Variants in DHRSX observed in about 807,000 individuals in gnomAD.
DHRSX encodes polyprenol dehydrogenase.
A neutral mutation model predicts 34.0 loss-of-function variants in DHRSX; 31 were observed. The ratio of observed to expected loss-of-function variants is 0.91; its 90% CI spans 0.69 to 1.23. The LOEUF (loss-of-function observed/expected upper bound fraction) is 1.23. Among genes scored for constraint, DHRSX ranks in the 50% most tolerant of loss-of-function variants. The pLI, the probability that DHRSX is intolerant of heterozygous loss-of-function variation, is 0.00. For synonymous variants in DHRSX, 201 were observed against 183.8 expected (o/e 1.09, Z -0.76); for missense variants, 414 against 428.1 (o/e 0.97, Z 0.29).
intron 1 of DHRSX, among the ~76,000 whole-genome samples, chrX:2,437,110 G>C (rs2044001235): frequency 6.6e-6 from 1 of 152,016 alleles, no homozygotes; most frequent in Non-Finnish European, 1.5e-5. Context: ...CCATTCTCTT[G>C]CCTCAGCCTC....
chrX:2,308,527 C>T (rs765219823), intron 3 of DHRSX, among the ~76,000 whole-genome samples: 1 of 152,204 alleles, frequency 6.6e-6, no homozygotes, highest in Non-Finnish European at 1.5e-5. Context: ...GTTAATGGAA[C>T]AAGGAGGATC....
chrX:2,243,815 TTTTTTTTG>T (rs2016213864), intron 5 of DHRSX, among the ~76,000 whole-genome samples: 4 of 106,202 alleles, frequency 3.8e-5, no homozygotes, highest in East Asian at 2.5e-4. Context: ...TTTTTTTTTT[TTTTTTTTG>T]AGACAGATTC....
At chrX:2,424,908 G>A (rs188984026) in intron 2 of DHRSX, among the ~76,000 whole-genome samples, 105 of 152,174 alleles carry the variant, frequency 6.9e-4, no homozygotes, top group Admixed American at 1.5e-3. Flanking sequence ...GGGAGGCCAC[G>A]GCAGGCGGAT....
intron 3 of DHRSX, among the ~76,000 whole-genome samples, chrX:2,322,569 AAAG>A (rs2042324924): frequency 1.3e-5 from 2 of 151,692 alleles, no homozygotes; most frequent in African/African-American, 4.8e-5. Context: ...AAAAAAAAAA[AAAG>A]AATGAAAGTT....
intron 6 of DHRSX, among the ~76,000 whole-genome samples, chrX:2,238,290 G>A (rs898862573): frequency 2.6e-4 from 40 of 152,100 alleles, no homozygotes; most frequent in Admixed American, 7.9e-4. Context: ...CCAGCAGGTC[G>A]AGGCTGCTGT....
At chrX:2,298,366 C>A (rs1245060425) in intron 3 of DHRSX, among the ~76,000 whole-genome samples, 3 of 131,916 alleles carry the variant, frequency 2.3e-5, no homozygotes, top group Admixed American at 7.9e-5. Context: ...AAAATGTATA[C>A]AGCTGAAGGA....
chrX:2,326,250 T>C (rs1232889276), intron 3 of DHRSX, among the ~76,000 whole-genome samples: 2 of 152,086 alleles, frequency 1.3e-5, no homozygotes, highest in African/African-American at 4.8e-5. Context: ...TGGCCAGGCA[T>C]GGTGGCTCGC....
chrX:2,464,474 G>A (rs1569503937), intron 1 of DHRSX, among the ~76,000 whole-genome samples: 1 of 89,558 alleles, frequency 1.1e-5, no homozygotes, highest in African/African-American at 5.0e-5. Context: ...CACTGAAGAC[G>A]CTCCCTAAGA....
chrX:2,338,969 C>A (rs1218854058), intron 3 of DHRSX, among the ~76,000 whole-genome samples: 3 of 151,854 alleles, frequency 2.0e-5, no homozygotes, highest in African/African-American at 7.3e-5. Context: ...TCAGAAACTT[C>A]CGGAAGCTGG....
chrX:2,458,162 A>T (rs1420825141), intron 1 of DHRSX, among the ~76,000 whole-genome samples: 3 of 151,936 alleles, frequency 2.0e-5, no homozygotes, highest in African/African-American at 7.3e-5. Flanking sequence ...ATGTTTCCTA[A>T]GCATGTGGTC....
Position 2,304,760 on chromosome X carries a change from ACTT to A in DHRSX, c.287-13160_287-13158del, listed in dbSNP as rs2042080337. 3.3e-5 allele frequency among the ~76,000 whole-genome samples: 5 copies of A among 152,026 alleles called. No homozygotes were observed. The South Asian group carries it at 1.0e-3, about 32-fold the overall frequency. On this transcript the variant is annotated intron_variant, in intron 3 of 6. Transcript: ENST00000334651. The stretch of plus-strand genomic sequence containing the variant: ...GCCTGCAGATCCATGAGCCAATTAA[ACTT>A]CTTTTCTTTATAAATTACCCAGTCT...
intron 1 of DHRSX, among the ~76,000 whole-genome samples, chrX:2,451,214 T>C (rs1053426912): frequency 4.9e-5 from 7 of 144,008 alleles, no homozygotes; most frequent in Admixed American, 7.1e-5. Context: ...GCCTGGGCAA[T>C]ACAGCAAGAC....
At chrX:2,289,078 C>T (rs2041837876) in intron 4 of DHRSX, among the ~76,000 whole-genome samples, 1 of 152,056 alleles carries the variant, frequency 6.6e-6, no homozygotes, top group Non-Finnish European at 1.5e-5. Flanking sequence ...CCCCAGAACA[C>T]AGTAAGATTC....
At chrX:2,248,482 G>A (rs1473507543) in intron 5 of DHRSX, among the ~76,000 whole-genome samples, 2 of 148,974 alleles carry the variant, frequency 1.3e-5, no homozygotes, top group Non-Finnish European at 1.5e-5. Flanking sequence ...GTGTGGTGGC[G>A]GGCACCTGTA....
intron 4 of DHRSX, among the ~76,000 whole-genome samples, chrX:2,289,865 C>G (rs1305773038): frequency 6.6e-6 from 1 of 152,114 alleles, no homozygotes; most frequent in Non-Finnish European, 1.5e-5. Flanking sequence ...TTATTGATCT[C>G]CAAAGAAGAC....
intron 1 of DHRSX, among the ~76,000 whole-genome samples, chrX:2,447,871 C>T (rs1335738590): frequency 1.5e-5 from 2 of 133,038 alleles, no homozygotes; most frequent in African/African-American, 2.9e-5. Context: ...GGGAAGAATG[C>T]TTCATGAAGT....
At chrX:2,496,230 G>GT (rs1677654508) in intron 1 of DHRSX, among the ~76,000 whole-genome samples, 1 of 151,758 alleles carries the variant, frequency 6.6e-6, no homozygotes, top group Non-Finnish European at 1.5e-5. Flanking sequence ...ACGGAGTCTC[G>GT]CCCTGTTGCC....
chrX:2,249,672 T>C (rs1354095301), intron 5 of DHRSX, among the ~76,000 whole-genome samples: 1 of 151,266 alleles, frequency 6.6e-6, no homozygotes, highest in African/African-American at 2.4e-5. Context: ...TACAGGCGCC[T>C]ACCATCACGC....
intron 1 of DHRSX, among the ~76,000 whole-genome samples, chrX:2,444,654 G>A (rs1426735492): frequency 2.0e-5 from 3 of 152,000 alleles, no homozygotes; most frequent in East Asian, 1.9e-4. Context: ...AACATAGTGA[G>A]ACGCCATCTC....
Sources: allele counts gnomAD v4.1 joint callset (sites outside exome capture counted in the v4.1 genomes callset), GRCh38; gene constraint gnomAD v4.1.1; transcripts MANE v1.5; gene names NCBI Gene and HGNC (gene_info 2026-07-23, HGNC 2026-07-21).